GABRR1: variants seen among roughly 807,000 people sequenced by gnomAD.
The protein encoded by GABRR1 is gamma-aminobutyric acid receptor subunit rho-1.
Under a neutral mutation model 55.5 loss-of-function variants are expected in GABRR1, and 59 were observed. The observed-to-expected ratio is 1.06, with a 90% CI of 0.86 to 1.32. The LOEUF is 1.32. Ranked by LOEUF, GABRR1 falls within the 40% of genes most tolerant of loss-of-function variation. The probability of loss-of-function intolerance (pLI) is 0.00; values close to 1 mark genes in which losing one functional copy is unlikely to be tolerated. For missense variants in GABRR1, 602 were observed against 619.1 expected (o/e 0.97, Z 0.29); for synonymous variants, 213 against 226.0 (o/e 0.94, Z 0.51).
At chr6:89,196,929 A>C (rs1313703887) in intron 5 of GABRR1, among the ~76,000 whole-genome samples, 3 of 152,186 alleles carry the variant, frequency 2.0e-5, no homozygotes, top group African/African-American at 7.2e-5. Flanking sequence ...TCAGAAATGA[A>C]GACTTCAGGG....
intron 3 of GABRR1, 73 bp from the exon 4 acceptor site, chr6:89,199,502 G>T: frequency 7.0e-7 from 1 of 1,424,698 alleles, no homozygotes; most frequent in South Asian, 1.2e-5. Context: ...TAGGCAAAAG[G>T]AGCATTTCCC....
intron 6 of GABRR1, among the ~76,000 whole-genome samples, chr6:89,189,517 G>T (rs968931137): frequency 8.7e-6 from 1 of 114,294 alleles, no homozygotes; most frequent in Non-Finnish European, 1.8e-5. Context: ...GTGGTGGGGT[G>T]GGGGGAGGGG....
chr6:89,223,583 T>C (rs1346753152), intron 1 of GABRR1, among the ~76,000 whole-genome samples: 1 of 152,222 alleles, frequency 6.6e-6, no homozygotes, highest in Non-Finnish European at 1.5e-5. Flanking sequence ...GATTGCTGGA[T>C]CAAATGGTAG....
intron 1 of GABRR1, among the ~76,000 whole-genome samples, chr6:89,216,341 CA>C (rs1772980269): frequency 1.3e-5 from 2 of 152,180 alleles, no homozygotes; most frequent in Non-Finnish European, 2.9e-5. Context: ...TATTTACACT[CA>C]AAAGAAAGGT....
intron 1 of GABRR1, among the ~76,000 whole-genome samples, chr6:89,203,915 C>T (rs749137311): frequency 2.6e-5 from 4 of 152,152 alleles, no homozygotes; most frequent in Admixed American, 6.5e-5. Context: ...AAATGGGCAC[C>T]GACAGGAGAT....
intron 1 of GABRR1, chr6:89,204,550 A>C: frequency 2.1e-6 from 2 of 967,478 alleles, no homozygotes; most frequent in Non-Finnish European, 2.7e-6. Flanking sequence ...ACAGGAGGGA[A>C]TGAAAGAGGA....
chr6:89,185,250 G>A (rs1448049604), intron 7 of GABRR1, 60 bp downstream of exon 7: 2 of 1,604,654 alleles, frequency 1.2e-6, no homozygotes, highest in East Asian at 2.2e-5. Flanking sequence ...ATAATAGAGG[G>A]TGAACCTTGG....
chr6:89,184,590 G>A lies in GABRR1; in HGVS notation c.796+720C>T, dbSNP rs374350176. ...CTGGTCAAGAGTGGAGCGACCCCAC[G>A]GGGCTGGCTGGAGCAGGGAGAACGT... is the stretch of plus-strand genomic sequence containing the variant. On this transcript the variant is annotated intron_variant, in intron 7 of 9. Coordinates refer to ENST00000454853, the MANE Select transcript of GABRR1 (RefSeq NM_002042.5). Among the ~76,000 whole-genome samples the A allele has an allele frequency of 4.0e-4, 61 of 152,272 alleles. 1 individual carries two copies. The East Asian group carries it at 0.011, about 27-fold the overall frequency.
At chr6:89,220,746 G>A (rs1355550165), upstream of GABRR1, among the ~76,000 whole-genome samples, 6 of 151,840 alleles carry the variant, frequency 4.0e-5, no homozygotes. Context: ...TTGAGACGGA[G>A]TTTCGTTCTT....
intron 1 of GABRR1, among the ~76,000 whole-genome samples, chr6:89,224,377 C>T (rs1314990018): frequency 6.6e-6 from 1 of 152,184 alleles, no homozygotes; most frequent in African/African-American, 2.4e-5. Context: ...CAGGTGTGAG[C>T]CACCATGCCC....
At chr6:89,217,701 A>G (rs1309262781), upstream of GABRR1, 1 of 189,276 alleles carries the variant, frequency 5.3e-6, no homozygotes, top group Non-Finnish European at 1.1e-5. Context: ...GAGTAAGGCC[A>G]GAGGTGCGGA....
rs753798099 is a variant in GABRR1 at position 89,181,999 on chromosome 6, CAAG to C, written c.852_854del (p.Phe284del). 3.0e-5 allele frequency: 48 copies of C among 1,613,038 alleles called. 2 individuals are homozygous for C. Among genetic ancestry groups the C allele is most frequent in the South Asian group, 1.9e-4 (17 of 90,966 alleles). On this transcript the variant is annotated inframe_deletion, in exon 8 of 10. Transcript: ENST00000454853. ...GGGTAGCGGGGAAATAAGTTTGGAGCAAGAAGAAGAAGATGTGGCGACGCAACG... is the reference window on the plus strand; with the variant it reads ...GGGTAGCGGGGAAATAAGTTTGGAGCAAGAAGAAGATGTGGCGACGCAACG...
chr6:89,194,246 C>T (rs1364863718), intron 5 of GABRR1, among the ~76,000 whole-genome samples: 1 of 152,166 alleles, frequency 6.6e-6, no homozygotes, highest in Admixed American at 6.5e-5. Context: ...GCACGAACCC[C>T]TAGCCAGCCT....
At chr6:89,193,601 C>T (rs452667) in intron 5 of GABRR1, among the ~76,000 whole-genome samples, 35,150 of 152,010 alleles carry the variant, frequency 0.23, 4,281 homozygotes, top group African/African-American at 0.29. Flanking sequence ...TACAGGCTTT[C>T]GGGAGCTGAT....
intron 5 of GABRR1, among the ~76,000 whole-genome samples, chr6:89,195,506 A>G (rs1021515426): frequency 2.0e-5 from 3 of 152,148 alleles, no homozygotes; most frequent in Admixed American, 6.5e-5. Flanking sequence ...AGACTTCCCA[A>G]TGGAAACCAT....
At chr6:89,216,709 A>G (rs116498849) in intron 1 of GABRR1, among the ~76,000 whole-genome samples, 259 of 152,342 alleles carry the variant, frequency 1.7e-3, no homozygotes, top group African/African-American at 5.7e-3. Context: ...GTAGGGAACC[A>G]TCTAATAATG....
intron 1 of GABRR1, among the ~76,000 whole-genome samples, chr6:89,204,291 T>C (rs937546333): frequency 4.6e-5 from 7 of 152,182 alleles, no homozygotes; most frequent in African/African-American, 1.2e-4. Flanking sequence ...GATTATGTCA[T>C]CTGTAGAAAA....
At chr6:89,184,280 A>C (rs1184689614) in intron 7 of GABRR1, among the ~76,000 whole-genome samples, 1 of 151,028 alleles carries the variant, frequency 6.6e-6, no homozygotes, top group Non-Finnish European at 1.5e-5. Flanking sequence ...CCTAGACTTC[A>C]CCACTATACA....
rs571678202 is a variant in GABRR1 at position 89,182,018 on chromosome 6, C to T, written c.836G>A (p.Arg279His). ...NRLYINFTLR[R>H]HIFFFLLQTY... ...TTGGAGCAAGAAGAAGAAGATGTGG[C>T]GACGCAACGTGAAATTAATGTAGAG... The change falls in exon 8 of 10, where the codon CGC (arginine) becomes CAC (histidine). Residue 279 changes from arginine to histidine, a missense_variant. Transcript: ENST00000454853. 2.2e-5 allele frequency: 36 copies of T among 1,613,918 alleles called. No individual in the cohort carries two copies. Among genetic ancestry groups the T allele is most frequent in the South Asian group, 7.7e-5 (7 of 91,058 alleles).
Sources: gnomAD v4.1 joint callset for allele counts (sites outside exome capture counted in the v4.1 genomes callset) on GRCh38, gnomAD v4.1.1 for gene constraint, MANE v1.5 for transcripts, NCBI Gene and HGNC (gene_info 2026-07-23, HGNC 2026-07-21) for gene names.